POLRMT: variants seen among roughly 807,000 people sequenced by gnomAD.
POLRMT encodes the protein RNA polymerase mitochondrial.
A neutral mutation model predicts 132.2 loss-of-function variants in POLRMT; 114 were observed. The observed-to-expected ratio is 0.86, with a 90% CI of 0.74 to 1.01. The LOEUF (loss-of-function observed/expected upper bound fraction) is 1.01, where lower values mean the gene tolerates loss of function less well. Ranked by LOEUF, POLRMT falls within the 50% of genes least tolerant of loss-of-function variation. The pLI is 0.00. For synonymous variants in POLRMT, 1,020 were observed against 773.4 expected, an observed-to-expected ratio of 1.32 and a Z score of -5.29; for missense variants, 2,003 against 1,729.1, an observed-to-expected ratio of 1.16 and a Z score of -2.81.
intron 15 of POLRMT, 51 bp from the exon 16 acceptor site, chr19:618,811 T>C (rs759694773): frequency 3.0e-5 from 46 of 1,539,148 alleles, no homozygotes; most frequent in Middle Eastern, 2.3e-4. Flanking sequence ...AGCACGGTGG[T>C]GGTACATTGA....
chr19:618,345 C>T (rs1322400365), intron 17 of POLRMT, 143 bp downstream of exon 17: 7 of 670,788 alleles, frequency 1.0e-5, no homozygotes, highest in Non-Finnish European at 1.7e-5. Flanking sequence ...GCCTCAGGGC[C>T]TCTACACAGG....
Position 622,386 on chromosome 19 carries a change from G to T in POLRMT, c.1627-13C>A. On this transcript the variant is annotated splice_polypyrimidine_tract_variant and intron_variant, in intron 8 of 20. Transcript: ENST00000588649. ...AGGGCTCGGGCACCTGTAGGACAGG[G>T]CGGTCAGGGCGCTGGGCACCGGGGC... 6.5e-7 allele frequency: 1 copy of T among 1,537,016 alleles called. No homozygotes were observed.
chr19:623,661 G>A (rs183121095), intron 5 of POLRMT, 58 bp from the exon 6 acceptor site: 13 of 1,586,890 alleles, frequency 8.2e-6, no homozygotes, highest in Admixed American at 3.4e-5. Context: ...TGCCCTCCCA[G>A]GACCCCGAGA....
Position 621,339 on chromosome 19 carries a change from G to C in POLRMT, c.2359C>G (p.Gln787Glu), listed in dbSNP as rs777417303. The C allele has an allele frequency of 6.3e-7, 1 of 1,587,990 alleles. No individual in the cohort carries two copies. Among genetic ancestry groups the C allele is most frequent in the Non-Finnish European group, 8.5e-7 (1 of 1,174,518 alleles). Residue 787 changes from glutamine (Q) to glutamate (E), a missense_variant, in exon 10 of 21, where the codon CAG (glutamine) becomes GAG (glutamate). By Grantham distance (29) the Gln-to-Glu change is conservative. Transcript: ENST00000588649. ...AEALYRLSLA[Q>E]HLRDRVFWLP... is the part of the protein sequence containing the mutation. ...CAGAAGACGCGGTCCCGCAGGTGCTGCGCCAGCGAGAGGCGGTACAGCGCC... is the reference window on the plus strand; with the variant it reads ...CAGAAGACGCGGTCCCGCAGGTGCTCCGCCAGCGAGAGGCGGTACAGCGCC...
In POLRMT at chr19:618,690, G is replaced by A. The variant is rs371427554; in HGVS notation, c.3323+15C>T. On this transcript the variant is annotated intron_variant, in intron 16 of 20. Transcript: ENST00000588649. ...CAGACCCCCGGCCAGGCCCCAGCCCGGGCCCCCCACTCACCGGCTGATGTC... is the reference window on the plus strand; with the variant it reads ...CAGACCCCCGGCCAGGCCCCAGCCCAGGCCCCCCACTCACCGGCTGATGTC... 67 of 1,599,156 alleles carry A rather than the reference G, an allele frequency of 4.2e-5. No homozygotes were observed. In the East Asian group the frequency reaches 4.7e-4, roughly 11 times the overall value.
At position 619,591 on chromosome 19, in the gene POLRMT, GA is replaced by G; in HGVS notation, c.3060del (p.Gln1022ArgfsTer33). On this transcript the variant is annotated frameshift_variant, in exon 13 of 21. Transcript: ENST00000588649. LOFTEE classifies it high-confidence loss of function. ...IEKRLRELSD[F>X]PQEFVWEASH... ...GCGCGACATGCCTGGCGCACCTGGG[GA>G]AAGTCGCTCAGCTCCCGGAGGCGCT... 6.2e-7 allele frequency: 1 copy of G among 1,611,430 alleles called. No individual in the cohort carries two copies.
At position 622,220 on chromosome 19, in the gene POLRMT, C is replaced by T; in HGVS notation, c.1780G>A (p.Asp594Asn). The T allele has an allele frequency of 6.4e-7, 1 of 1,565,488 alleles. No individual in the cohort carries two copies. Among genetic ancestry groups the T allele is most frequent in the South Asian group, 1.2e-5 (1 of 85,780 alleles). The change falls in exon 9 of 21, where the codon GAC (aspartate) becomes AAC (asparagine). Residue 594 changes from aspartate to asparagine, a missense_variant. By Grantham distance (23) the Asp-to-Asn change is conservative. Transcript: ENST00000588649. ...VQATQMPCSL[D>N]KPHRSSRLVP... Reference sequence around the variant, plus strand: ...AGCCGAGAGGAACGATGCGGCTTGTCCAGGCTGCATGGCATCTGCGTAGCC... The same window carrying T: ...AGCCGAGAGGAACGATGCGGCTTGTTCAGGCTGCATGGCATCTGCGTAGCC...
Position 626,515 on chromosome 19 carries a change from A to G in POLRMT, c.823-1261T>C, listed in dbSNP as rs1402254530. Reference sequence around the variant, plus strand: ...TTTCATTTAATTTTTGGCCAGGCACAGTGGCTCATGCCTGTAACCCCAGCA... The same window carrying G: ...TTTCATTTAATTTTTGGCCAGGCACGGTGGCTCATGCCTGTAACCCCAGCA... On this transcript the variant is annotated intron_variant, in intron 3 of 20. Transcript: ENST00000588649. Among the ~76,000 whole-genome samples the G allele has an allele frequency of 4.1e-5, 6 of 147,490 alleles. No homozygotes were observed. In the South Asian group the frequency reaches 1.4e-3, roughly 34 times the overall value.
intron 17 of POLRMT, chr19:618,220 C>G: frequency 1.8e-6 from 1 of 549,488 alleles, no homozygotes. Flanking sequence ...CCAGATCTAA[C>G]CACACATCGC....
In POLRMT at chr19:627,376, TCTC is replaced by T. The variant is rs535371610; in HGVS notation, c.823-2125_823-2123del. ...CACTGTGTTAGCCAGGATGGTCTCA[TCTC>T]CTGACCTCGTGATCCGCCCGCCTCA... On this transcript the variant is annotated intron_variant, in intron 3 of 20. Transcript: ENST00000588649. Among the ~76,000 whole-genome samples the T allele has an allele frequency of 3.1e-3, 468 of 151,520 alleles. 4 individuals carry two copies. The highest frequency in any genetic ancestry group is 0.011 in the African/African-American group (444 of 41,402).
intron 15 of POLRMT, 42 bp downstream of exon 15, chr19:618,955 G>A (rs1317125670): frequency 8.8e-6 from 13 of 1,477,464 alleles, no homozygotes; most frequent in South Asian, 7.6e-5. Flanking sequence ...CTGTTACACT[G>A]GGATGGTGGC....
At chr19:633,013 G>A (rs56090114) in intron 1 of POLRMT, 75 bp from the exon 2 acceptor site, 59,337 of 1,071,836 alleles carry the variant, frequency 0.055, 3,603 homozygotes, top group East Asian at 0.3. Flanking sequence ...GAAGCCGAAG[G>A]GTCGAAGGGC....
At chr19:629,211 C>T (rs2144685713) in intron 3 of POLRMT, among the ~76,000 whole-genome samples, 1 of 152,158 alleles carries the variant, frequency 6.6e-6, no homozygotes, top group South Asian at 2.1e-4. Flanking sequence ...GCAAAGTCAA[C>T]CCCAACACCA....
Position 622,154 on chromosome 19 carries a change from G to A in POLRMT, c.1846C>T (p.Gln616Ter), listed in dbSNP as rs768967483. 8.4e-6 allele frequency: 13 copies of A among 1,554,356 alleles called. No homozygotes were observed. The highest frequency in any genetic ancestry group is 2.3e-4 in the Middle Eastern group (1 of 4,404). Reference protein sequence around the residue: ...LYHVYSFRNVQQIGILKPHPA... With the variant: ...LYHVYSFRNV ...AGGAGGGCACTGCCTGGCACCTGCT[G>A]GACGTTGCGGAAGGAATACACGTGG... Residue 616 changes from glutamine to a stop codon, truncating the protein, a stop_gained, in exon 9 of 21, where the codon CAG becomes TAG. Transcript: ENST00000588649. LOFTEE classifies it high-confidence loss of function.
At chr19:620,823 G>A (rs1317905586) in intron 10 of POLRMT, among the ~76,000 whole-genome samples, 3 of 117,498 alleles carry the variant, frequency 2.6e-5, no homozygotes, top group Non-Finnish European at 5.5e-5. Flanking sequence ...CCTGGGGCAG[G>A]GGAGAAGGGA....
intron 2 of POLRMT, 74 bp downstream of exon 2, chr19:632,760 T>C (rs1488036399): frequency 4.6e-6 from 6 of 1,314,842 alleles, no homozygotes; most frequent in Non-Finnish European, 6.2e-6. Context: ...TCTCAGAATC[T>C]GAGCCTTTGC....
intron 2 of POLRMT, 75 bp from the exon 3 acceptor site, chr19:630,243 C>A: frequency 1.3e-6 from 2 of 1,495,664 alleles, no homozygotes; most frequent in Non-Finnish European, 1.8e-6. Flanking sequence ...GGACCCTGAG[C>A]CAGGCCAGGA....
intron 1 of POLRMT, chr19:633,158 G>A (rs1013438396): frequency 5.1e-6 from 3 of 592,608 alleles, no homozygotes; most frequent in East Asian, 3.3e-5. Flanking sequence ...CCTCGCACTC[G>A]AGGTGCAGCA....
At position 633,529 on chromosome 19, in the gene POLRMT, G is replaced by GGCGCCACCGCCGCC; in HGVS notation, c.-18_-17insGGCGGCGGTGGCGC. Reference sequence around the variant, plus strand: ...TGCCGACATTACGCACGCCGCTCCAGGCCACCCCACCGGCCCGCGCCTGCG... The same window carrying GGCGCCACCGCCGCC: ...TGCCGACATTACGCACGCCGCTCCAGGCGCCACCGCCGCCGCCACCCCACCGGCCCGCGCCTGCG... On this transcript the variant is annotated 5_prime_UTR_variant, in exon 1 of 21. Coordinates refer to ENST00000588649, the MANE Select transcript of POLRMT (RefSeq NM_005035.4). 1 of 1,463,688 alleles carries GGCGCCACCGCCGCC rather than the reference G, an allele frequency of 6.8e-7. No individual in the cohort carries two copies. The highest frequency in any genetic ancestry group is 2.8e-5 in the East Asian group (1 of 35,476). 90.7% of individuals were successfully genotyped at this position (1,463,688 alleles called of 1,614,324 possible).
Sources: gnomAD v4.1 joint callset for allele counts (sites outside exome capture counted in the v4.1 genomes callset) on GRCh38, gnomAD v4.1.1 for gene constraint, MANE v1.5 for transcripts, NCBI Gene and HGNC (gene_info 2026-07-23, HGNC 2026-07-21) for gene names.